EBNA1BP2: variants seen among roughly 807,000 people sequenced by gnomAD.
The protein encoded by EBNA1BP2 is EBNA1 binding protein 2.
EBNA1BP2 carries 36 observed loss-of-function variants against 43.5 expected under a neutral mutation model. The observed-to-expected ratio is 0.83, with a 90% CI of 0.63 to 1.09. The LOEUF (loss-of-function observed/expected upper bound fraction) is 1.09. Ranked by LOEUF, EBNA1BP2 falls within the 50% of genes least tolerant of loss-of-function variation. The pLI is 0.00. For missense variants in EBNA1BP2, 332 were observed against 379.1 expected, an observed-to-expected ratio of 0.88 and a Z score of 1.03; for synonymous variants, 127 against 141.3, an observed-to-expected ratio of 0.90 and a Z score of 0.72.
chr1:43,169,826 G>T (rs756776034), intron 4 of EBNA1BP2, among the ~76,000 whole-genome samples: 1 of 152,168 alleles, frequency 6.6e-6, no homozygotes, highest in Non-Finnish European at 1.5e-5. Flanking sequence ...TACCACCTGA[G>T]CTCCACCTCC....
At position 43,165,263 on chromosome 1, in the gene EBNA1BP2, C is replaced by T. The variant is rs538342822; in HGVS notation, c.708-458G>A. Among the ~76,000 whole-genome samples, 23 of 152,112 alleles carry T rather than the reference C, an allele frequency of 1.5e-4. 1 individual carries two copies. The highest frequency in any genetic ancestry group is 5.6e-4 in the African/African-American group (23 of 41,400). On this transcript the variant is annotated intron_variant, in intron 7 of 8. Coordinates refer to ENST00000236051, the MANE Select transcript of EBNA1BP2 (RefSeq NM_006824.3). The stretch of plus-strand genomic sequence containing the variant: ...TAATTATAGGCATTCAAATAACATT[C>T]AAATGGAATAACATTCAAATGTAAA...
At chr1:43,166,983 CAT>C (rs1644923118) in intron 6 of EBNA1BP2, 64 bp from the exon 7 acceptor site, 1 of 1,562,186 alleles carries the variant, frequency 6.4e-7, no homozygotes, top group East Asian at 2.2e-5. Flanking sequence ...TTTAAACCAC[CAT>C]ATGAGGCTGT....
chr1:43,167,086 C>G (rs1644924005), intron 6 of EBNA1BP2, 74 bp downstream of exon 6: 1 of 1,547,124 alleles, frequency 6.5e-7, no homozygotes, highest in Non-Finnish European at 8.9e-7. Context: ...ACCAAGAAGG[C>G]TCCAAAGCAC....
At chr1:43,169,515 C>T (rs4660714) in intron 4 of EBNA1BP2, among the ~76,000 whole-genome samples, 113 of 152,242 alleles carry the variant, frequency 7.4e-4, no homozygotes, top group Middle Eastern at 6.8e-3. Context: ...ACTACTACCA[C>T]GACAAAAGCT....
chr1:43,166,902 C>T lies in EBNA1BP2; in HGVS notation c.631G>A (p.Asp211Asn). The T allele has an allele frequency of 6.2e-7, 1 of 1,612,748 alleles. No homozygotes were observed. Among genetic ancestry groups the T allele is most frequent in the Non-Finnish European group, 8.5e-7 (1 of 1,179,668 alleles). The change falls in exon 7 of 9, where the codon GAT becomes AAT. Residue 211 changes from aspartate (D) to asparagine (N), a missense_variant. Physicochemically the swap from Asp to Asn is conservative, Grantham distance 23 (BLOSUM62 1). Around this residue, in one of 3 missense-constraint regions of EBNA1BP2, gnomAD observed 91 missense variants for 152.1 expected, o/e 0.60. Coordinates refer to ENST00000236051, the MANE Select transcript of EBNA1BP2 (RefSeq NM_006824.3). ...KYQKGFSDKLDFLEGDQKPLA... is the reference protein window; with the variant it reads ...KYQKGFSDKLNFLEGDQKPLA... ...GGTTTCTGATCTCCCTCAAGGAAATCCAGTTTATCAGAGAAGCCTGTAAGT... is the reference window on the plus strand; with the variant it reads ...GGTTTCTGATCTCCCTCAAGGAAATTCAGTTTATCAGAGAAGCCTGTAAGT...
In EBNA1BP2 at chr1:43,170,862, G is replaced by A; in HGVS notation, c.341C>T (p.Ala114Val). ...GCGGGGTAAGACTGCAAGCACTGCG[G>A]CCTGGGCTTGGCGATAGCTGAGAAT... ...REMSFYRQAQ[A>V]AVLAVLPRLH... Residue 114 changes from alanine to valine, a missense_variant, in exon 4 of 9, where the codon GCC becomes GTC. Transcript: ENST00000236051. 1 of 1,584,438 alleles carries A rather than the reference G, an allele frequency of 6.3e-7. No homozygotes were observed. Among genetic ancestry groups the A allele is most frequent in the South Asian group, 1.2e-5 (1 of 85,342 alleles).
At chr1:43,165,735 C>T (rs1644913928) in intron 7 of EBNA1BP2, among the ~76,000 whole-genome samples, 1 of 152,134 alleles carries the variant, frequency 6.6e-6, no homozygotes, top group African/African-American at 2.4e-5. Flanking sequence ...ACACATTGCA[C>T]CCCTCCTTGC....
intron 3 of EBNA1BP2, 88 bp from the exon 4 acceptor site, chr1:43,170,967 A>T (rs1569731769): frequency 1.4e-6 from 2 of 1,444,054 alleles, no homozygotes; most frequent in East Asian, 5.5e-5. Flanking sequence ...ATCCAAGCTC[A>T]GAAGGACTCT....
chr1:43,171,919 CACG>C lies in EBNA1BP2; in HGVS notation c.114_116del (p.Val39del). On this transcript the variant is annotated inframe_deletion, in exon 2 of 9. Coordinates refer to ENST00000236051, the MANE Select transcript of EBNA1BP2 (RefSeq NM_006824.3). ...TCACGGCCTTCTTCGGCCCCTCTAG[CACG>C]ACATTGAGGCCTGGCTTCAGAAGCC... The C allele has an allele frequency of 6.2e-7, 1 of 1,614,160 alleles. No individual in the cohort carries two copies. Among genetic ancestry groups the C allele is most frequent in the Non-Finnish European group, 8.5e-7 (1 of 1,180,004 alleles).
chr1:43,172,409 C>T, upstream of EBNA1BP2: 1 of 1,551,344 alleles, frequency 6.4e-7, no homozygotes, highest in Non-Finnish European at 8.7e-7. Flanking sequence ...ACAGGTAGCG[C>T]CTCTGGATAC....
At chr1:43,172,462 G>C, upstream of EBNA1BP2, 1 of 1,543,744 alleles carries the variant, frequency 6.5e-7, no homozygotes, top group Non-Finnish European at 8.8e-7. Flanking sequence ...AGGTGGGAGG[G>C]GGTACCTGGG....
Position 43,166,830 on chromosome 1 carries a change from T to C in EBNA1BP2, c.703A>G (p.Lys235Glu), listed in dbSNP as rs1375366929. 6.2e-7 allele frequency: 1 copy of C among 1,610,690 alleles called. No individual in the cohort carries two copies. Among genetic ancestry groups the C allele is most frequent in the African/African-American group, 1.3e-5 (1 of 74,558 alleles). ...KAGAKGQQMR[K>E]GPSAKRRYKN... The stretch of plus-strand genomic sequence containing the variant: ...CCATGCCAAAACCCTTCTCACCCCT[T>C]CCTCATCTGCTGGCCTTTGGCTCCT... The change falls in exon 7 of 9, where the codon AAG becomes GAG. Residue 235 changes from lysine to glutamate, a missense_variant. This residue lies in a region of EBNA1BP2 where 91 missense variants were observed against 152.1 expected (regional missense o/e 0.60). Coordinates refer to ENST00000236051, the MANE Select transcript of EBNA1BP2 (RefSeq NM_006824.3).
At chr1:43,168,715 G>A (rs763018450) in intron 5 of EBNA1BP2, among the ~76,000 whole-genome samples, 6 of 152,078 alleles carry the variant, frequency 3.9e-5, no homozygotes, top group East Asian at 3.9e-4. Context: ...GAAAACTAAC[G>A]CCCAGAGAGG....
intron 3 of EBNA1BP2, 148 bp downstream of exon 3, chr1:43,171,331 A>C (rs568444817): frequency 9.9e-7 from 1 of 1,012,922 alleles, no homozygotes; most frequent in Non-Finnish European, 1.3e-6. Context: ...TCTCTCAAAC[A>C]GGAAGAATCT....
At chr1:43,166,263 A>T (rs929346144) in intron 7 of EBNA1BP2, among the ~76,000 whole-genome samples, 3 of 152,154 alleles carry the variant, frequency 2.0e-5, no homozygotes, top group African/African-American at 7.2e-5. Flanking sequence ...GCACTGTGTG[A>T]TGGGGAATCA....
chr1:43,166,651 C>T (rs1220261216), intron 7 of EBNA1BP2, among the ~76,000 whole-genome samples, 175 bp downstream of exon 7: 1 of 152,138 alleles, frequency 6.6e-6, no homozygotes, highest in Admixed American at 6.5e-5. Flanking sequence ...TCTTCAAAGA[C>T]TGACATGGCT....
intron 4 of EBNA1BP2, 75 bp from the exon 5 acceptor site, chr1:43,169,103 G>A: frequency 6.9e-7 from 1 of 1,445,704 alleles, no homozygotes; most frequent in Admixed American, 1.7e-5. Flanking sequence ...CTAGAGCAGG[G>A]AACAGATATT....
chr1:43,170,741 A>G lies in EBNA1BP2; in HGVS notation c.447+15T>C. The G allele has an allele frequency of 6.2e-7, 1 of 1,600,238 alleles. No homozygotes were observed. The highest frequency in any genetic ancestry group is 8.5e-7 in the Non-Finnish European group (1 of 1,174,402). ...CAAAGTTTTGACTTTCCAGAGGAAAACTTCTATTTCTTACCTTCTGCATCT... is the reference window on the plus strand; with the variant it reads ...CAAAGTTTTGACTTTCCAGAGGAAAGCTTCTATTTCTTACCTTCTGCATCT... On this transcript the variant is annotated intron_variant, in intron 4 of 8. Transcript: ENST00000236051.
rs572615344 is a variant in EBNA1BP2, at chr1:43,169,781, G to A, written c.448-753C>T. 1.2e-4 allele frequency among the ~76,000 whole-genome samples: 19 copies of A among 152,220 alleles called. No individual in the cohort carries two copies. In the South Asian group the frequency reaches 2.9e-3, roughly 23 times the overall value. On this transcript the variant is annotated intron_variant, in intron 4 of 8. Coordinates refer to ENST00000236051, the MANE Select transcript of EBNA1BP2 (RefSeq NM_006824.3). ...TCTGTGGCCTGTTAGGAACCAGGCCGCACAGCAGAAAGTGAGTGACAGGCA... is the reference window on the plus strand; with the variant it reads ...TCTGTGGCCTGTTAGGAACCAGGCCACACAGCAGAAAGTGAGTGACAGGCA...
Sources: allele counts gnomAD v4.1 joint callset (sites outside exome capture counted in the v4.1 genomes callset), GRCh38; gene constraint gnomAD v4.1.1; regional missense constraint gnomAD v4.1.1; transcripts MANE v1.5; gene names NCBI Gene and HGNC (gene_info 2026-07-23, HGNC 2026-07-21).